The following GPHN variants were observed in gnomAD, a reference collection of about 807,000 sequenced individuals.
GPHN encodes gephyrin.
In GPHN, 17 loss-of-function variants were observed where a neutral mutation model predicts 95.5. That is an observed-to-expected ratio of 0.18 (90% CI 0.12 to 0.27). The LOEUF is 0.27. Among genes scored for constraint, GPHN ranks in the 10% least tolerant of loss-of-function variants. The probability of loss-of-function intolerance (pLI) is 1.00; values close to 1 mark genes in which losing one functional copy is unlikely to be tolerated. For missense variants in GPHN, 660 were observed against 978.1 expected (o/e 0.67, Z 4.34); for synonymous variants, 320 against 322.5 (o/e 0.99, Z 0.08).
At chr14:67,423,736 A>G in the GPHN span, among the ~76,000 whole-genome samples, 3 of 152,172 alleles carry the variant, frequency 2.0e-5, no homozygotes, top group Non-Finnish European at 2.9e-5. Flanking sequence ...TATTTCTTCC[A>G]TCTCACTGGG....
the GPHN span, among the ~76,000 whole-genome samples, chr14:67,224,258 T>C: frequency 1.4e-5 from 2 of 145,484 alleles, no homozygotes; most frequent in African/African-American, 2.7e-5. Context: ...TTCTCTCTTT[T>C]CTTTTTTTTT....
At chr14:66,873,687 C>T (rs897447926) in intron 4 of GPHN, among the ~76,000 whole-genome samples, 11 of 152,214 alleles carry the variant, frequency 7.2e-5, no homozygotes, top group Admixed American at 6.5e-4. Context: ...TGTGGCAAAG[C>T]TGCTGTAGCC....
intron 10 of GPHN, among the ~76,000 whole-genome samples, chr14:67,038,305 A>G (rs988648485): frequency 5.9e-5 from 9 of 152,100 alleles, no homozygotes; most frequent in African/African-American, 2.2e-4. Context: ...AGGAGAGGGA[A>G]ATAGGGAATT....
chr14:67,340,022 C>T, the GPHN span: 1 of 143,102 alleles, frequency 7.0e-6, no homozygotes, highest in Middle Eastern at 3.6e-3. Context: ...CAGAGCAAGA[C>T]TCTGTCTCAC....
At chr14:67,687,683 C>A in the GPHN span, among the ~76,000 whole-genome samples, 1 of 151,780 alleles carries the variant, frequency 6.6e-6, no homozygotes. Flanking sequence ...GTTGGTCAGG[C>A]TGGTCTTGAA....
intron 4 of GPHN, among the ~76,000 whole-genome samples, chr14:66,874,177 G>A (rs187884663): frequency 2.0e-5 from 3 of 152,260 alleles, no homozygotes; most frequent in Admixed American, 2.0e-4. Flanking sequence ...ACTGTTAGAA[G>A]GAAAACTAAT....
At chr14:67,248,284 G>A in the GPHN span, among the ~76,000 whole-genome samples, 2 of 152,014 alleles carry the variant, frequency 1.3e-5, no homozygotes, top group Non-Finnish European at 1.5e-5. Flanking sequence ...CAATTGGGAG[G>A]CTGAGGTGGG....
intron 8 of GPHN, among the ~76,000 whole-genome samples, chr14:66,926,446 T>A (rs950159490): frequency 2.0e-5 from 3 of 152,206 alleles, no homozygotes; most frequent in African/African-American, 7.2e-5. Context: ...GAGATAGGTG[T>A]CTAGTTTTAA....
chr14:67,249,756 CAG>C, the GPHN span, among the ~76,000 whole-genome samples: 1 of 152,128 alleles, frequency 6.6e-6, no homozygotes, highest in Non-Finnish European at 1.5e-5. Flanking sequence ...TACATTGTCA[CAG>C]AAAAGGTTTG....
chr14:66,775,165 C>CT (rs562083022), intron 2 of GPHN, among the ~76,000 whole-genome samples: 76 of 150,076 alleles, frequency 5.1e-4, no homozygotes, highest in Non-Finnish European at 8.5e-4. Flanking sequence ...GGTTGGGTAT[C>CT]TTTTTTTTTA....
chr14:67,641,323 A>T, the GPHN span, among the ~76,000 whole-genome samples: 1 of 152,238 alleles, frequency 6.6e-6, no homozygotes, highest in African/African-American at 2.4e-5. Context: ...TCTGAAAAAA[A>T]TAAAAAATCT....
At chr14:66,579,492 C>G (rs2061060752) in intron 1 of GPHN, among the ~76,000 whole-genome samples, 1 of 149,016 alleles carries the variant, frequency 6.7e-6, no homozygotes, top group Non-Finnish European at 1.5e-5. Context: ...CACAAATAGA[C>G]TGAAAGTGAA....
chr14:66,972,302 A>AAAG (rs1403764365), intron 9 of GPHN, among the ~76,000 whole-genome samples: 2 of 132,456 alleles, frequency 1.5e-5, no homozygotes, highest in African/African-American at 6.8e-5. Flanking sequence ...AAAAAAGAAA[A>AAAG]AAGCTAGAAA....
At chr14:66,738,305 T>C (rs936073010) in intron 2 of GPHN, among the ~76,000 whole-genome samples, 2 of 152,218 alleles carry the variant, frequency 1.3e-5, no homozygotes, top group East Asian at 1.9e-4. Flanking sequence ...ACTTTCTTCT[T>C]ACCCTAAAAT....
the GPHN span, among the ~76,000 whole-genome samples, chr14:67,490,813 C>T: frequency 1.8e-3 from 270 of 152,248 alleles, 2 homozygotes; most frequent in African/African-American, 6.2e-3. Context: ...CCCCAAATCT[C>T]CCTGTAAAGG....
the GPHN span, among the ~76,000 whole-genome samples, chr14:67,358,102 G>A: frequency 6.6e-6 from 1 of 151,958 alleles, no homozygotes; most frequent in African/African-American, 2.4e-5. Context: ...AATGGCGGGG[G>A]CGGCGGGGGG....
At position 67,071,683 on chromosome 14, in the gene GPHN, G is replaced by A. The variant is rs1244336507; in HGVS notation, c.1144+12897G>A. On this transcript the variant is annotated intron_variant, in intron 11 of 22. Transcript: ENST00000478722. Reference sequence around the variant, plus strand: ...AAAAAAAATCAGGCCTATAACCTTGGCCTAAATTGCCCTATGTCGCAATCA... The same window carrying A: ...AAAAAAAATCAGGCCTATAACCTTGACCTAAATTGCCCTATGTCGCAATCA... Among the ~76,000 whole-genome samples the A allele has an allele frequency of 7.3e-5, 11 of 151,678 alleles. No homozygotes were observed. In the East Asian group the frequency reaches 2.1e-3, roughly 29 times the overall value.
chr14:67,557,433 G>T, the GPHN span: 2 of 1,610,016 alleles, frequency 1.2e-6, no homozygotes, highest in Non-Finnish European at 8.5e-7. Context: ...GGGCTCATGC[G>T]CAAGGGAGCA....
rs1183611924 is a variant in GPHN at position 67,179,673 on chromosome 14, A to C, written c.2175A>C (p.Thr725=). Residue 725 remains threonine (T), a splice_region_variant and synonymous_variant, in exon 22 of 23, where the codon ACA becomes ACC. Coordinates refer to ENST00000478722, the MANE Select transcript of GPHN (RefSeq NM_020806.5). The stretch of plus-strand genomic sequence containing the variant: ...AACCACTACCTTGGGCACAGAGTAC[A>C]GGTTAGTCATTCACATCTACAGATA... ...HQEPLPWAQS[T]GNQMSSRLMS... 1.3e-6 allele frequency: 2 copies of C among 1,513,574 alleles called. No homozygotes were observed. Among genetic ancestry groups the C allele is most frequent in the Non-Finnish European group, 1.8e-6 (2 of 1,088,182 alleles). 93.8% of individuals were successfully genotyped at this position (1,513,574 alleles called of 1,614,324 possible).
Sources: gnomAD v4.1 joint callset for allele counts (sites outside exome capture counted in the v4.1 genomes callset) on GRCh38, gnomAD v4.1.1 for gene constraint, MANE v1.5 for transcripts, NCBI Gene and HGNC (gene_info 2026-07-23, HGNC 2026-07-21) for gene names.